IGFBP2: variants seen among roughly 807,000 people sequenced by gnomAD.
IGFBP2 encodes insulin-like growth factor-binding protein 2.
A neutral mutation model predicts 26.2 loss-of-function variants in IGFBP2; 12 were observed. That is an observed-to-expected ratio of 0.46 (90% CI 0.29 to 0.74). The LOEUF is 0.74. IGFBP2 is among the 30% of genes least tolerant of loss of function. The pLI, the probability that IGFBP2 is intolerant of heterozygous loss-of-function variation, is 0.09. For synonymous variants in IGFBP2, 189 were observed against 200.6 expected, an observed-to-expected ratio of 0.94 and a Z score of 0.49; for missense variants, 328 against 441.2, an observed-to-expected ratio of 0.74 and a Z score of 2.30.
chr2:216,655,648 C>T (rs1697905665), intron 1 of IGFBP2, among the ~76,000 whole-genome samples: 1 of 152,156 alleles, frequency 6.6e-6, no homozygotes, highest in South Asian at 2.1e-4. Context: ...CCTATAATCC[C>T]AGCACTTTGG....
At chr2:216,662,293 A>T (rs761607955) in intron 3 of IGFBP2, 12 of 419,624 alleles carry the variant, frequency 2.9e-5, no homozygotes, top group Non-Finnish European at 3.9e-5. Flanking sequence ...TAAACCAAGC[A>T]TCTTTGCTTT....
intron 1 of IGFBP2, among the ~76,000 whole-genome samples, chr2:216,648,600 A>T (rs1021897452): frequency 2.6e-5 from 4 of 151,830 alleles, no homozygotes; most frequent in Non-Finnish European, 5.9e-5. Context: ...GTGAGAGGTG[A>T]CTTTTTTGTT....
In IGFBP2 at chr2:216,661,852, G is replaced by C. The variant is rs200174505; in HGVS notation, c.673-6G>C. Reference sequence around the variant, plus strand: ...TCCGGGCGTCCCCTGCTGTCTGTGCGTGCAGACTCCCTGCCAACAGGAACT... The same window carrying C: ...TCCGGGCGTCCCCTGCTGTCTGTGCCTGCAGACTCCCTGCCAACAGGAACT... On this transcript the variant is annotated splice_region_variant and splice_polypyrimidine_tract_variant and intron_variant, in intron 2 of 3. Coordinates refer to ENST00000233809, the MANE Select transcript of IGFBP2 (RefSeq NM_000597.3). 3.7e-6 allele frequency: 6 copies of C among 1,613,956 alleles called. No individual in the cohort carries two copies. In the African/African-American group the frequency reaches 4.0e-5, roughly 11 times the overall value.
At chr2:216,644,558 G>A (rs2106193674) in intron 1 of IGFBP2, among the ~76,000 whole-genome samples, 1 of 152,210 alleles carries the variant, frequency 6.6e-6, no homozygotes, top group South Asian at 2.1e-4. Flanking sequence ...GAGAAGAGGG[G>A]GGTGTTTCAG....
intron 1 of IGFBP2, among the ~76,000 whole-genome samples, chr2:216,635,651 A>G (rs753998652): frequency 1.3e-5 from 2 of 152,050 alleles, no homozygotes; most frequent in Non-Finnish European, 2.9e-5. Context: ...TCTAAGCCTG[A>G]AAACCAATTC....
At chr2:216,646,368 C>T (rs1480943567) in intron 1 of IGFBP2, among the ~76,000 whole-genome samples, 1 of 152,192 alleles carries the variant, frequency 6.6e-6, no homozygotes, top group African/African-American at 2.4e-5. Flanking sequence ...CCCATCCCAT[C>T]TCATGGTTCC....
intron 3 of IGFBP2, 46 bp downstream of exon 3, chr2:216,662,044 TG>T: frequency 6.2e-7 from 1 of 1,603,834 alleles, no homozygotes. Flanking sequence ...TCCTCAGCCC[TG>T]GGCCCCAGAT....
At chr2:216,649,348 C>G (rs1697774339) in intron 1 of IGFBP2, among the ~76,000 whole-genome samples, 2 of 152,176 alleles carry the variant, frequency 1.3e-5, no homozygotes, top group African/African-American at 4.8e-5. Context: ...GATCTGGTTG[C>G]TAATAGTGTT....
Position 216,633,712 on chromosome 2 carries a change from GGTGGCCGCA to G in IGFBP2, c.197_205del (p.Ala66_Ala68del). 2 of 1,204,184 alleles carry G rather than the reference GGTGGCCGCA, an allele frequency of 1.7e-6. No individual in the cohort carries two copies. Among genetic ancestry groups the G allele is most frequent in the Non-Finnish European group, 2.1e-6 (2 of 971,652 alleles). 74.6% of individuals were successfully genotyped at this position (1,204,184 alleles called of 1,614,324 possible). A position where few individuals can be genotyped will look rare whatever the true frequency, so the allele number is the denominator to read the frequency against. On this transcript the variant is annotated inframe_deletion, in exon 1 of 4. Transcript: ENST00000233809. ...CCCCGCCGGTTGCGCCGCCCGCCGC[GGTGGCCGCA>G]GTGGCCGGAGGCGCCCGCATGCCAT...
At chr2:216,655,094 C>T (rs1339123410) in intron 1 of IGFBP2, among the ~76,000 whole-genome samples, 2 of 152,140 alleles carry the variant, frequency 1.3e-5, no homozygotes, top group African/African-American at 4.8e-5. Flanking sequence ...GTCACCCAGG[C>T]TGGAGTGCAG....
chr2:216,644,609 A>G (rs1043586159), intron 1 of IGFBP2, among the ~76,000 whole-genome samples: 10 of 151,764 alleles, frequency 6.6e-5, no homozygotes, highest in African/African-American at 2.4e-4. Context: ...GCAGAGAGTC[A>G]GTCATTGGCA....
At chr2:216,633,206 G>T (rs1697412608), upstream of IGFBP2, among the ~76,000 whole-genome samples, 1 of 152,170 alleles carries the variant, frequency 6.6e-6, no homozygotes, top group Non-Finnish European at 1.5e-5. Flanking sequence ...TCATAGTCAG[G>T]CCAGAAGAGT....
At chr2:216,659,611 A>T in intron 1 of IGFBP2, 1 of 864,576 alleles carries the variant, frequency 1.2e-6, no homozygotes, top group Non-Finnish European at 1.9e-6. Context: ...TGCCTCAGCC[A>T]GAGTGAGACT....
intron 1 of IGFBP2, among the ~76,000 whole-genome samples, chr2:216,649,557 A>G (rs1423724872): frequency 6.6e-6 from 1 of 152,190 alleles, no homozygotes; most frequent in Non-Finnish European, 1.5e-5. Flanking sequence ...CTTTAGTTGA[A>G]CCCAAGGAGA....
chr2:216,659,150 C>T (rs1432536006), intron 1 of IGFBP2, among the ~76,000 whole-genome samples: 3 of 152,108 alleles, frequency 2.0e-5, no homozygotes, highest in Non-Finnish European at 2.9e-5. Flanking sequence ...AGGGACAGAC[C>T]CCCATCAAAT....
intron 1 of IGFBP2, among the ~76,000 whole-genome samples, chr2:216,660,279 G>C (rs578090643): frequency 1.3e-5 from 2 of 152,250 alleles, no homozygotes; most frequent in South Asian, 2.1e-4. Flanking sequence ...TCGCTTTTCA[G>C]ATTTGTGATC....
At chr2:216,637,967 T>TC (rs1489717125) in intron 1 of IGFBP2, among the ~76,000 whole-genome samples, 1 of 152,172 alleles carries the variant, frequency 6.6e-6, no homozygotes, top group Non-Finnish European at 1.5e-5. Flanking sequence ...GGCAGGTGGA[T>TC]CACAAGGTCA....
rs752885931 is a variant in IGFBP2, at chr2:216,661,959, C to G, written c.774C>G (p.Ile258Met). 17 of 1,614,132 alleles carry G rather than the reference C, an allele frequency of 1.1e-5. No homozygotes were observed. The highest frequency in any genetic ancestry group is 1.4e-5 in the Non-Finnish European group (16 of 1,180,040). Residue 258 changes from isoleucine (I) to methionine (M), a missense_variant, in exon 3 of 4, where the codon ATC (isoleucine) becomes ATG (methionine). Ile to Met is a conservative substitution (Grantham distance 10). Coordinates refer to ENST00000233809, the MANE Select transcript of IGFBP2 (RefSeq NM_000597.3). ...GPLEHLYSLH[I>M]PNCDKHGLYN... is the part of the protein sequence containing the mutation. ...TGGAGCACCTCTACTCCCTGCACAT[C>G]CCCAACTGTGACAAGCATGGCCTGT...
chr2:216,638,012 A>C (rs1697533542), intron 1 of IGFBP2, among the ~76,000 whole-genome samples: 1 of 151,972 alleles, frequency 6.6e-6, no homozygotes, highest in African/African-American at 2.4e-5. Context: ...GTATAGTGAA[A>C]CCTCTTCTCT....
Sources: gnomAD v4.1 joint callset for allele counts (sites outside exome capture counted in the v4.1 genomes callset) on GRCh38, gnomAD v4.1.1 for gene constraint, MANE v1.5 for transcripts, NCBI Gene and HGNC (gene_info 2026-07-23, HGNC 2026-07-21) for gene names.